IRAK1BP1: variants seen among roughly 807,000 people sequenced by gnomAD.
The protein encoded by IRAK1BP1 is interleukin 1 receptor associated kinase 1 binding protein 1.
IRAK1BP1 carries 24 observed loss-of-function variants against 28.0 expected under a neutral mutation model. That is an observed-to-expected ratio of 0.86 (90% CI 0.62 to 1.20). IRAK1BP1 has a LOEUF of 1.20. Ranked by LOEUF, IRAK1BP1 falls within the 50% of genes most tolerant of loss-of-function variation. IRAK1BP1 has a pLI of 0.00. For synonymous variants in IRAK1BP1, 131 were observed against 116.3 expected, an observed-to-expected ratio of 1.13 and a Z score of -0.81; for missense variants, 336 against 316.7, an observed-to-expected ratio of 1.06 and a Z score of -0.46.
chr6:78,963,753 G>C, the IRAK1BP1 span, among the ~76,000 whole-genome samples: 6 of 152,176 alleles, frequency 3.9e-5, no homozygotes, highest in Admixed American at 1.3e-4. Context: ...CTGCATGCTT[G>C]AATCTTTAAC....
At chr6:78,966,081 A>G in the IRAK1BP1 span, 1 of 1,383,030 alleles carries the variant, frequency 7.2e-7, no homozygotes, top group South Asian at 1.2e-5. Flanking sequence ...AAACTAACTC[A>G]TCATTCTGAA....
the IRAK1BP1 span, chr6:78,978,645 T>C: frequency 1.3e-6 from 2 of 1,597,990 alleles, no homozygotes; most frequent in Non-Finnish European, 1.7e-6. Flanking sequence ...GTATCTGTAA[T>C]CCATGTTGAT....
At chr6:78,928,995 G>A (rs73462294) in intron 4 of IRAK1BP1, among the ~76,000 whole-genome samples, 3,217 of 152,148 alleles carry the variant, frequency 0.021, 118 homozygotes, top group African/African-American at 0.073. Context: ...GTTTTTGTCT[G>A]GTTTTGGTAT....
the IRAK1BP1 span, among the ~76,000 whole-genome samples, chr6:78,958,871 T>C: frequency 1.1e-4 from 16 of 152,034 alleles, no homozygotes; most frequent in Admixed American, 1.3e-4. Flanking sequence ...AGAACGTCTA[T>C]ATGGGGAGTG....
At chr6:78,928,571 G>A (rs1237081347) in intron 4 of IRAK1BP1, among the ~76,000 whole-genome samples, 1 of 152,102 alleles carries the variant, frequency 6.6e-6, no homozygotes, top group Non-Finnish European at 1.5e-5. Flanking sequence ...AATAGCAATG[G>A]TGACAGTGTC....
At chr6:78,874,268 A>G (rs1446830399) in intron 1 of IRAK1BP1, among the ~76,000 whole-genome samples, 1 of 152,198 alleles carries the variant, frequency 6.6e-6, no homozygotes, top group Non-Finnish European at 1.5e-5. Flanking sequence ...TTTTAACCTA[A>G]TCCTATAGCA....
At chr6:78,950,652 T>A (rs1257924010), downstream of IRAK1BP1, among the ~76,000 whole-genome samples, 2 of 152,194 alleles carry the variant, frequency 1.3e-5, no homozygotes, top group Non-Finnish European at 2.9e-5. Flanking sequence ...ATTTTTACTT[T>A]ATTATCCTTC....
chr6:78,873,149 G>A (rs1231451727), intron 1 of IRAK1BP1, among the ~76,000 whole-genome samples: 3 of 149,746 alleles, frequency 2.0e-5, no homozygotes, highest in South Asian at 4.3e-4. Context: ...CAGCTACTCC[G>A]GAGGCTGAGG....
At chr6:78,975,932 G>T in the IRAK1BP1 span, among the ~76,000 whole-genome samples, 916 of 150,992 alleles carry the variant, frequency 6.1e-3, 19 homozygotes, top group African/African-American at 0.021. Context: ...TCAATATTGT[G>T]AAAATGGCCA....
At chr6:78,925,334 A>G (rs1349916703) in intron 4 of IRAK1BP1, among the ~76,000 whole-genome samples, 1 of 152,132 alleles carries the variant, frequency 6.6e-6, no homozygotes, top group Non-Finnish European at 1.5e-5. Flanking sequence ...AAAAAAATCC[A>G]CAAGCAAAAA....
the IRAK1BP1 span, chr6:78,956,446 CAATTA>C: frequency 2.0e-5 from 3 of 152,078 alleles, no homozygotes; most frequent in Non-Finnish European, 2.9e-5. Context: ...TCTTCTCTGT[CAATTA>C]AATTAGACAC....
chr6:78,951,320 C>G (rs1273748645), downstream of IRAK1BP1, among the ~76,000 whole-genome samples: 1 of 152,120 alleles, frequency 6.6e-6, no homozygotes, highest in African/African-American at 2.4e-5. Context: ...CTGCTCAATA[C>G]AATTCTGTTG....
chr6:78,934,300 A>G (rs544946161), intron 4 of IRAK1BP1, among the ~76,000 whole-genome samples: 2 of 152,356 alleles, frequency 1.3e-5, no homozygotes, highest in African/African-American at 2.4e-5. Context: ...AAATATCGCA[A>G]TTACCAAAAT....
At chr6:78,873,180 A>G (rs1479713105) in intron 1 of IRAK1BP1, among the ~76,000 whole-genome samples, 12 of 134,426 alleles carry the variant, frequency 8.9e-5, no homozygotes. Flanking sequence ...ACTTGAGCCC[A>G]GGAGGCAGAG....
chr6:78,885,522 T>A (rs1771395376), intron 2 of IRAK1BP1, 79 bp downstream of exon 2: 1 of 637,978 alleles, frequency 1.6e-6, no homozygotes, highest in Non-Finnish European at 2.7e-6. Flanking sequence ...AAATGAATGG[T>A]GAAAAATGCT....
chr6:78,887,330 T>C (rs1385128155), intron 2 of IRAK1BP1, among the ~76,000 whole-genome samples: 1 of 152,120 alleles, frequency 6.6e-6, no homozygotes, highest in African/African-American at 2.4e-5. Context: ...AAAACTACAT[T>C]GAGCTATAAC....
Position 78,898,348 on chromosome 6 carries a change from TTATATTGTACTTG to T in IRAK1BP1, c.*18_*30del. The T allele has an allele frequency of 7.0e-7, 1 of 1,432,202 alleles. No individual in the cohort carries two copies. The highest frequency in any genetic ancestry group is 9.5e-7 in the Non-Finnish European group (1 of 1,047,590). 88.7% of individuals were successfully genotyped at this position (1,432,202 alleles called of 1,614,324 possible). ...AAGCACCTTTGAAATTCCAAACAAA[TTATATTGTACTTG>T]TATCTTTTTACCTATTTTTATACTT... On this transcript the variant is annotated 3_prime_UTR_variant, in exon 4 of 4. Coordinates refer to ENST00000369940, the MANE Select transcript of IRAK1BP1 (RefSeq NM_001010844.4).
chr6:78,915,279 C>A (rs993711883), intron 4 of IRAK1BP1, among the ~76,000 whole-genome samples: 1 of 152,178 alleles, frequency 6.6e-6, no homozygotes, highest in African/African-American at 2.4e-5. Flanking sequence ...CAAAGACTGT[C>A]AGCATTTCTA....
the IRAK1BP1 span, among the ~76,000 whole-genome samples, chr6:78,977,892 C>A: frequency 1.3e-5 from 2 of 152,012 alleles, no homozygotes; most frequent in Non-Finnish European, 2.9e-5. Context: ...TCAATTACCA[C>A]TTTATACTGT....
Sources: gnomAD v4.1 joint callset for allele counts (sites outside exome capture counted in the v4.1 genomes callset) on GRCh38, gnomAD v4.1.1 for gene constraint, MANE v1.5 for transcripts, NCBI Gene and HGNC (gene_info 2026-07-23, HGNC 2026-07-21) for gene names.